The following ANO5 variants were observed in gnomAD, a reference collection of about 807,000 sequenced individuals.
The protein encoded by ANO5 is anoctamin 5.
ANO5 carries 109 observed loss-of-function variants against 121.0 expected under a neutral mutation model. The ratio of observed to expected loss-of-function variants is 0.90; its 90% CI spans 0.77 to 1.06. The LOEUF (loss-of-function observed/expected upper bound fraction) is 1.06. ANO5 is among the 50% of genes least tolerant of loss of function. The pLI is 0.00. For missense variants in ANO5, 1,064 were observed against 1,078.5 expected (o/e 0.99, Z 0.19); for synonymous variants, 406 against 359.9 (o/e 1.13, Z -1.45).
chr11:22,251,148 T>C, intron 12 of ANO5, 137 bp downstream of exon 12: 1 of 907,726 alleles, frequency 1.1e-6, no homozygotes, highest in South Asian at 1.4e-5. Flanking sequence ...AGCATTAATA[T>C]ACTGATGGAG....
At chr11:22,258,535 T>C (rs1564941134) in intron 14 of ANO5, among the ~76,000 whole-genome samples, 1 of 152,240 alleles carries the variant, frequency 6.6e-6, no homozygotes, top group Non-Finnish European at 1.5e-5. Context: ...TAATGATTGA[T>C]AGAAAGCCAT....
intron 3 of ANO5, among the ~76,000 whole-genome samples, chr11:22,213,732 AT>A (rs1245018268): frequency 6.6e-6 from 1 of 151,598 alleles, no homozygotes; most frequent in Non-Finnish European, 1.5e-5. Flanking sequence ...TGAATCCATT[AT>A]TTGGAATTGT....
Position 22,262,214 on chromosome 11 carries a change from C to T in ANO5, c.1716C>T (p.Cys572=), listed in dbSNP as rs368389717. The change falls in exon 16 of 22, where the codon TGC becomes TGT. Residue 572 remains cysteine (C), a synonymous_variant. Transcript: ENST00000324559. The stretch of plus-strand genomic sequence containing the variant: ...AGTTTGTAAATTTTTACTCATCCTG[C>T]TTCTACGTAGCTTTCTTTAAAGGGA... ...LFQFVNFYSS[C]FYVAFFKGKF... is the part of the protein sequence containing the mutation. 1 of 1,613,828 alleles carries T rather than the reference C, an allele frequency of 6.2e-7. No individual in the cohort carries two copies. Among genetic ancestry groups the T allele is most frequent in the Non-Finnish European group, 8.5e-7 (1 of 1,179,836 alleles).
At chr11:22,259,403 C>A (rs1854111531) in intron 14 of ANO5, 116 bp from the exon 15 acceptor site, 3 of 1,097,210 alleles carry the variant, frequency 2.7e-6, no homozygotes, top group East Asian at 5.0e-5. Flanking sequence ...TTGCTTTGCA[C>A]ATGAGAACTG....
chr11:22,233,408 A>G (rs754841701), intron 7 of ANO5, among the ~76,000 whole-genome samples: 12 of 151,956 alleles, frequency 7.9e-5, no homozygotes, highest in Non-Finnish European at 1.3e-4. Flanking sequence ...TTTAAAAAAT[A>G]TATATAAATT....
Position 22,227,651 on chromosome 11 carries a change from A to G in ANO5, c.648+65A>G. 3 of 1,572,748 alleles carry G rather than the reference A, an allele frequency of 1.9e-6. No individual in the cohort carries two copies. The East Asian group carries it at 6.7e-5, about 35-fold the overall frequency. ...GAGATGTATGCTTGTGTGTGCTTTT[A>G]TACATGTGCAGATGTCGTACCATTT... On this transcript the variant is annotated intron_variant, in intron 7 of 21. Transcript: ENST00000324559.
chr11:22,253,668 C>T (rs999047194), intron 12 of ANO5, among the ~76,000 whole-genome samples: 1 of 152,056 alleles, frequency 6.6e-6, no homozygotes, highest in African/African-American at 2.4e-5. Flanking sequence ...AAATTCACAA[C>T]CAATATTAAA....
chr11:22,252,619 ATTTT>A (rs553365879), intron 12 of ANO5, among the ~76,000 whole-genome samples: 183 of 152,182 alleles, frequency 1.2e-3, no homozygotes, highest in African/African-American at 4.0e-3. Flanking sequence ...AATTGCAAAT[ATTTT>A]TTTCAGTTTG....
chr11:22,257,613 C>G lies in ANO5; in HGVS notation c.1333-67C>G, dbSNP rs1412835171. 6 of 1,286,276 alleles carry G rather than the reference C, an allele frequency of 4.7e-6. No homozygotes were observed. The East Asian group carries it at 9.4e-5, about 20-fold the overall frequency. The allele number at this position is 1,286,276 out of a possible 1,614,324, so 79.7% of individuals were successfully genotyped here. A position where few individuals can be genotyped will look rare whatever the true frequency, so the allele number is the denominator to read the frequency against. ...CTTTAACTGGGCTCTGTGATATTGACTAGTGCTTGGAGTCTTGACTTAGAG... is the reference window on the plus strand; with the variant it reads ...CTTTAACTGGGCTCTGTGATATTGAGTAGTGCTTGGAGTCTTGACTTAGAG... On this transcript the variant is annotated intron_variant, in intron 13 of 21. Transcript: ENST00000324559.
chr11:22,246,856 C>CAAAAAAAAAAAAAAAA (rs10565920), intron 9 of ANO5, among the ~76,000 whole-genome samples: 2 of 62,210 alleles, frequency 3.2e-5, no homozygotes, highest in East Asian at 4.4e-4. Flanking sequence ...GACCCTGTTT[C>CAAAAAAAAAAAAAAAA]AAAAAAAAAA....
intron 5 of ANO5, among the ~76,000 whole-genome samples, chr11:22,224,097 A>T (rs1178393582): frequency 6.6e-6 from 1 of 151,500 alleles, no homozygotes; most frequent in Admixed American, 6.6e-5. Context: ...TTTTTTTCTT[A>T]TTTCACTAGT....
intron 1 of ANO5, 108 bp downstream of exon 1, chr11:22,193,640 C>A: frequency 1.5e-6 from 2 of 1,375,440 alleles, no homozygotes; most frequent in African/African-American, 1.4e-5. Context: ...CGGCCTGAGT[C>A]CTAGGGAGGT....
At chr11:22,234,308 A>G (rs1361489557) in intron 7 of ANO5, among the ~76,000 whole-genome samples, 2 of 152,060 alleles carry the variant, frequency 1.3e-5, no homozygotes, top group African/African-American at 4.8e-5. Flanking sequence ...CATCTTTGAC[A>G]TTATCTCATC....
intron 3 of ANO5, among the ~76,000 whole-genome samples, chr11:22,215,778 A>T (rs1263886534): frequency 2.6e-5 from 4 of 151,990 alleles, no homozygotes; most frequent in Admixed American, 6.6e-5. Flanking sequence ...TAATTTATGT[A>T]GAAAATTTCC....
At chr11:22,247,688 T>A (rs1853670876) in intron 9 of ANO5, among the ~76,000 whole-genome samples, 2 of 152,116 alleles carry the variant, frequency 1.3e-5, no homozygotes, top group African/African-American at 4.8e-5. Context: ...AACATCACTT[T>A]AATGTCCAGA....
Position 22,255,415 on chromosome 11 carries a change from G to A in ANO5, c.1225G>A (p.Glu409Lys). The A allele has an allele frequency of 6.2e-7, 1 of 1,612,480 alleles. No homozygotes were observed. The highest frequency in any genetic ancestry group is 8.5e-7 in the Non-Finnish European group (1 of 1,178,916). The change falls in exon 13 of 22, where the codon GAA becomes AAA. Residue 409 changes from glutamate (E) to lysine (K), a missense_variant. Coordinates refer to ENST00000324559, the MANE Select transcript of ANO5 (RefSeq NM_213599.3). ...EFWKQRQARL[E>K]YEWDLVDFEE... The stretch of plus-strand genomic sequence containing the variant: ...TTGGAAACAACGACAAGCCAGACTG[G>A]AATATGAATGGGACCTGGTGGACTT...
chr11:22,273,074 G>A (rs1281867713), intron 19 of ANO5, 85 bp downstream of exon 19: 7 of 1,330,240 alleles, frequency 5.3e-6, no homozygotes, highest in African/African-American at 1.4e-5. Context: ...ATCTTTACAT[G>A]ATTTCATTAT....
At chr11:22,268,080 T>C (rs985192042) in intron 17 of ANO5, among the ~76,000 whole-genome samples, 21 of 152,324 alleles carry the variant, frequency 1.4e-4, no homozygotes, top group Middle Eastern at 3.4e-3. Context: ...TTAATTAATA[T>C]AGCTTTCTAA....
In ANO5 at chr11:22,272,798, T is replaced by C. The variant is rs1056882055; in HGVS notation, c.2044T>C (p.Phe682Leu). The change falls in exon 19 of 22, where the codon TTT becomes CTT. Residue 682 changes from phenylalanine (F) to leucine (L), a missense_variant. Transcript: ENST00000324559. ...EYLETVTQFG[F>L]VTLFVASFPL... ...TTTCTCTACAGTTACTCAATTTGGA[T>C]TTGTTACACTATTTGTGGCCTCTTT... 6.2e-7 allele frequency: 1 copy of C among 1,613,970 alleles called. No individual in the cohort carries two copies. Among genetic ancestry groups the C allele is most frequent in the Non-Finnish European group, 8.5e-7 (1 of 1,179,858 alleles).
Sources: allele counts gnomAD v4.1 joint callset (sites outside exome capture counted in the v4.1 genomes callset), GRCh38; gene constraint gnomAD v4.1.1; transcripts MANE v1.5; gene names NCBI Gene and HGNC (gene_info 2026-07-23, HGNC 2026-07-21).